Variants in TENM4 observed in about 807,000 individuals in gnomAD.
TENM4 encodes teneurin-4.
A neutral mutation model predicts 243.3 loss-of-function variants in TENM4; 82 were observed. The ratio of observed to expected loss-of-function variants is 0.34; its 90% CI spans 0.28 to 0.40. TENM4 has a LOEUF of 0.40. TENM4 is among the 10% of genes least tolerant of loss of function. TENM4 has a pLI of 1.00. For missense variants in TENM4, 3,138 were observed against 3,673.3 expected (o/e 0.85, Z 3.77); for synonymous variants, 1,412 against 1,456.3 (o/e 0.97, Z 0.69).
chr11:78,701,736 C>T lies in TENM4; in HGVS notation c.4877G>A (p.Gly1626Asp). 1 of 1,613,938 alleles carries T rather than the reference C, an allele frequency of 6.2e-7. No individual in the cohort carries two copies. The highest frequency in any genetic ancestry group is 8.5e-7 in the Non-Finnish European group (1 of 1,179,880). Residue 1626 changes from glycine (G) to aspartate (D), a missense_variant, in exon 28 of 34, where the codon GGC becomes GAC. Transcript: ENST00000278550. ...GDITLITDNN[G>D]NMVNVRRDST... ...GTCTCGGCGGACATTTACCATGTTG[C>T]CATTGTTGTCTGTGATGAGTGTGAT... is the stretch of plus-strand genomic sequence containing the variant.
chr11:79,012,099 A>G (rs1267007923), intron 6 of TENM4, among the ~76,000 whole-genome samples: 2 of 152,194 alleles, frequency 1.3e-5, no homozygotes, highest in Non-Finnish European at 2.9e-5. Context: ...TGCCCAAAGC[A>G]CATGTCTCCA....
chr11:78,802,525 A>T (rs1857300633), intron 15 of TENM4, among the ~76,000 whole-genome samples: 1 of 152,220 alleles, frequency 6.6e-6, no homozygotes, highest in Admixed American at 6.5e-5. Flanking sequence ...GTGAAGTGAC[A>T]GCTGAGGAGG....
intron 12 of TENM4, among the ~76,000 whole-genome samples, chr11:78,820,791 A>C (rs1857709268): frequency 6.6e-6 from 1 of 152,230 alleles, no homozygotes; most frequent in African/African-American, 2.4e-5. Context: ...TGTTTGAGTA[A>C]ATTTTCTCCT....
chr11:79,163,891 A>G lies in TENM4; in HGVS notation c.-162-15085T>C, dbSNP rs1348121570. On this transcript the variant is annotated intron_variant, in intron 3 of 33. Coordinates refer to ENST00000278550, the MANE Select transcript of TENM4 (RefSeq NM_001098816.3). ...ATACACATATATGTACATATATTAT[A>G]TATGGATATATATCGTATATAGGTA... Among the ~76,000 whole-genome samples the G allele has an allele frequency of 4.2e-5, 6 of 144,380 alleles. 1 individual carries two copies. In the East Asian group the frequency reaches 1.2e-3, roughly 29 times the overall value. The allele number at this position is 144,380 out of a possible 152,430, so 94.7% of individuals were successfully genotyped here. A position where few individuals can be genotyped will look rare whatever the true frequency, so the allele number is the denominator to read the frequency against.
chr11:78,770,965 T>A lies in TENM4; in HGVS notation c.2539+27A>T, dbSNP rs7106750. The A allele has an allele frequency of 2.1e-3, 3,220 of 1,568,024 alleles. 60 individuals are homozygous for A. In the African/African-American group the frequency reaches 0.036, roughly 17 times the overall value. The stretch of plus-strand genomic sequence containing the variant: ...GGGCCTCCCACCCTCTGGAGCCGCC[T>A]GGAGCCCATGGGTGCCAGAGCCCTA... On this transcript the variant is annotated intron_variant, in intron 18 of 33. Transcript: ENST00000278550.
In TENM4 at chr11:78,903,451, G is replaced by C. The variant is rs1183888305; in HGVS notation, c.566C>G (p.Pro189Arg). ...PPPPLSHAHT[P>R]NQHHAASINS... ...AATGGAGGCCGCGTGGTGCTGGTTGGGGGTGTGGGCGTGCGAGAGCGGCGG... is the reference window on the plus strand; with the variant it reads ...AATGGAGGCCGCGTGGTGCTGGTTGCGGGTGTGGGCGTGCGAGAGCGGCGG... Residue 189 changes from proline to arginine, a missense_variant, in exon 7 of 34, where the codon CCC becomes CGC. Transcript: ENST00000278550. The C allele has an allele frequency of 7.1e-6, 11 of 1,548,806 alleles. No individual in the cohort carries two copies. Among genetic ancestry groups the C allele is most frequent in the Middle Eastern group, 1.7e-4 (1 of 5,974 alleles).
At chr11:78,900,154 T>C (rs893044519) in intron 7 of TENM4, among the ~76,000 whole-genome samples, 2 of 152,252 alleles carry the variant, frequency 1.3e-5, no homozygotes, top group African/African-American at 4.8e-5. Context: ...TGACTCACAC[T>C]GTGAAGTGTA....
intron 2 of TENM4, among the ~76,000 whole-genome samples, chr11:79,237,977 G>T (rs574953379): frequency 1.3e-5 from 2 of 152,052 alleles, no homozygotes; most frequent in East Asian, 1.9e-4. Context: ...ACACTTCCTC[G>T]CTACAGCCAC....
chr11:79,126,463 G>A (rs1029905347), intron 4 of TENM4, among the ~76,000 whole-genome samples: 3 of 152,150 alleles, frequency 2.0e-5, no homozygotes, highest in African/African-American at 4.8e-5. Context: ...GCCAAGTGGC[G>A]GCACTCAACT....
rs573427069 is a variant in TENM4, at chr11:78,985,738, AT to A, written c.493+78999del. Reference sequence around the variant, plus strand: ...TAGCTTTGTTTTTTGTTCTTTTTAAATTTTTTTTTTATTGCCATGCAGAAAT... The same window carrying A: ...TAGCTTTGTTTTTTGTTCTTTTTAAATTTTTTTTTATTGCCATGCAGAAAT... On this transcript the variant is annotated intron_variant, in intron 6 of 33. Coordinates refer to ENST00000278550, the MANE Select transcript of TENM4 (RefSeq NM_001098816.3). Among the ~76,000 whole-genome samples, 1,345 of 149,874 alleles carry A rather than the reference AT, an allele frequency of 9.0e-3. 25 individuals are homozygous for A. Among genetic ancestry groups the A allele is most frequent in the African/African-American group, 0.031 (1,257 of 41,008 alleles).
At chr11:78,749,923 C>T (rs1280454764) in intron 19 of TENM4, among the ~76,000 whole-genome samples, 1 of 152,162 alleles carries the variant, frequency 6.6e-6, no homozygotes, top group Non-Finnish European at 1.5e-5. Context: ...GTTCCTCTTT[C>T]TCCCACATGC....
At chr11:78,887,888 G>A (rs1855580210) in intron 9 of TENM4, among the ~76,000 whole-genome samples, 1 of 152,238 alleles carries the variant, frequency 6.6e-6, no homozygotes, top group African/African-American at 2.4e-5. Flanking sequence ...ACAAATGGAT[G>A]TGTATAGCAG....
chr11:78,824,291 A>G (rs1490739904), intron 12 of TENM4, among the ~76,000 whole-genome samples: 4 of 152,150 alleles, frequency 2.6e-5, no homozygotes, highest in Admixed American at 6.5e-5. Flanking sequence ...GCTTAGAGGC[A>G]TGGTGGAAGG....
rs554438462 is a variant in TENM4 at position 79,011,643 on chromosome 11, C to T, written c.493+53095G>A. Among the ~76,000 whole-genome samples the T allele has an allele frequency of 1.7e-3, 255 of 152,316 alleles. 1 individual carries two copies. Among genetic ancestry groups the T allele is most frequent in the South Asian group, 0.011 (55 of 4,828 alleles). On this transcript the variant is annotated intron_variant, in intron 6 of 33. Transcript: ENST00000278550. ...GAACCCCAACAGGGGTCTGCACCCC[C>T]GCTGGCTTGGCAGCCCCTATCCAGC... is the stretch of plus-strand genomic sequence containing the variant.
chr11:78,728,922 G>A (rs1383464934), intron 22 of TENM4, among the ~76,000 whole-genome samples: 1 of 152,026 alleles, frequency 6.6e-6, no homozygotes, highest in Non-Finnish European at 1.5e-5. Context: ...ACAAAGAGAT[G>A]ACCTCTCTGA....
At chr11:79,312,147 C>G (rs771187754) in intron 1 of TENM4, among the ~76,000 whole-genome samples, 15 of 152,176 alleles carry the variant, frequency 9.9e-5, no homozygotes, top group Non-Finnish European at 1.9e-4. Flanking sequence ...CCATCTACAG[C>G]TCCCCACAGG....
At chr11:78,884,503 A>T (rs557511271) in intron 9 of TENM4, among the ~76,000 whole-genome samples, 3 of 152,336 alleles carry the variant, frequency 2.0e-5, no homozygotes, top group Non-Finnish European at 4.4e-5. Context: ...ATGGCCTTTG[A>T]AATCCCAAGT....
chr11:78,889,665 G>T, intron 9 of TENM4, 120 bp downstream of exon 9: 1 of 1,118,764 alleles, frequency 8.9e-7, no homozygotes, highest in Non-Finnish European at 1.3e-6. Flanking sequence ...GGGCTGCCTG[G>T]CTCACACTGC....
chr11:78,956,405 C>T (rs530253384), intron 6 of TENM4, among the ~76,000 whole-genome samples: 1 of 152,298 alleles, frequency 6.6e-6, no homozygotes, highest in Admixed American at 6.5e-5. Context: ...GGCTTCTGAC[C>T]ACTTGGCTTC....
Sources: allele counts gnomAD v4.1 joint callset (sites outside exome capture counted in the v4.1 genomes callset), GRCh38; gene constraint gnomAD v4.1.1; transcripts MANE v1.5; gene names NCBI Gene and HGNC (gene_info 2026-07-23, HGNC 2026-07-21).